PRR16: variants seen among roughly 807,000 people sequenced by gnomAD.
PRR16 encodes the protein proline rich 16, also known as protein Largen.
A neutral mutation model predicts 18.2 loss-of-function variants in PRR16; 6 were observed. The ratio of observed to expected loss-of-function variants is 0.33; its 90% confidence interval spans 0.18 to 0.65. The LOEUF (loss-of-function observed/expected upper bound fraction) is 0.65. PRR16 is among the 30% of genes least tolerant of loss of function. PRR16 has a pLI of 0.74. For synonymous variants in PRR16, 151 were observed against 147.8 expected (o/e 1.02, Z -0.16); for missense variants, 412 against 376.6 (o/e 1.09, Z -0.78).
At chr5:120,676,518 ATATATG>A (rs992059164) in intron 1 of PRR16, among the ~76,000 whole-genome samples, 10 of 36,952 alleles carry the variant, frequency 2.7e-4, no homozygotes, top group Admixed American at 8.5e-4. Flanking sequence ...ATATATATAT[ATATATG>A]TGTGTGTGTG....
At chr5:120,619,232 C>T (rs1299442551) in intron 1 of PRR16, among the ~76,000 whole-genome samples, 1 of 152,078 alleles carries the variant, frequency 6.6e-6, no homozygotes, top group Admixed American at 6.6e-5. Flanking sequence ...ATCAGACAGA[C>T]ACATCTCTCA....
intron 1 of PRR16, among the ~76,000 whole-genome samples, chr5:120,570,222 G>T (rs1170237744): frequency 6.6e-6 from 1 of 152,062 alleles, no homozygotes; most frequent in African/African-American, 2.4e-5. Flanking sequence ...AGCTATCCCT[G>T]AACCAGTGAT....
the PRR16 span, among the ~76,000 whole-genome samples, chr5:120,718,839 G>A: frequency 1.3e-5 from 2 of 152,058 alleles, no homozygotes; most frequent in South Asian, 4.1e-4. Flanking sequence ...ATTTTACAGT[G>A]TAGTGTGGGG....
intron 1 of PRR16, among the ~76,000 whole-genome samples, chr5:120,543,535 G>C (rs10063663): frequency 0.2 from 30,029 of 152,096 alleles, 3,116 homozygotes; most frequent in Non-Finnish European, 0.21. Flanking sequence ...CCAGTATATA[G>C]TCCTTCAATT....
At chr5:120,626,802 C>A (rs1754879841) in intron 1 of PRR16, among the ~76,000 whole-genome samples, 3 of 152,020 alleles carry the variant, frequency 2.0e-5, no homozygotes, top group Admixed American at 6.6e-5. Context: ...GTTTTAACAT[C>A]TAGCATAAAA....
Position 120,558,312 on chromosome 5 carries a change from A to T in PRR16, c.159+93667A>T, listed in dbSNP as rs531628688. On this transcript the variant is annotated intron_variant, in intron 1 of 1. Coordinates refer to ENST00000407149, the MANE Select transcript of PRR16 (RefSeq NM_001300783.2). Reference sequence around the variant, plus strand: ...CTACTCTTCCCCAACTACCCTTTTCAGCCTCTGGTAACCATCCTTCTACAC... The same window carrying T: ...CTACTCTTCCCCAACTACCCTTTTCTGCCTCTGGTAACCATCCTTCTACAC... Among the ~76,000 whole-genome samples the T allele has an allele frequency of 4.6e-5, 7 of 151,914 alleles. No individual in the cohort carries two copies. In the East Asian group the frequency reaches 1.4e-3, roughly 29 times the overall value.
At chr5:120,618,192 A>G (rs1021630017) in intron 1 of PRR16, among the ~76,000 whole-genome samples, 5 of 152,072 alleles carry the variant, frequency 3.3e-5, no homozygotes, top group African/African-American at 9.7e-5. Context: ...AATATAAAAG[A>G]TGTCTGGATA....
intron 1 of PRR16, among the ~76,000 whole-genome samples, chr5:120,490,684 G>A (rs913958759): frequency 9.9e-5 from 15 of 152,180 alleles, no homozygotes; most frequent in South Asian, 2.1e-4. Flanking sequence ...GCTTTGTTCC[G>A]TTGCTGGTGA....
rs138719994 is a variant in PRR16 at position 120,626,349 on chromosome 5, G to A, written c.160-59605G>A. Reference sequence around the variant, plus strand: ...AAAAAAAGCCCCACAGAAACAGTATGTTAAGTAAAAGAAACCAGATATAAA... The same window carrying A: ...AAAAAAAGCCCCACAGAAACAGTATATTAAGTAAAAGAAACCAGATATAAA... On this transcript the variant is annotated intron_variant, in intron 1 of 1. Coordinates refer to ENST00000407149, the MANE Select transcript of PRR16 (RefSeq NM_001300783.2). 3.5e-4 allele frequency among the ~76,000 whole-genome samples: 53 copies of A among 152,232 alleles called. No homozygotes were observed. The East Asian group carries it at 0.01, about 29-fold the overall frequency.
chr5:120,535,545 A>G (rs1000805931), intron 1 of PRR16, among the ~76,000 whole-genome samples: 7 of 152,166 alleles, frequency 4.6e-5, no homozygotes, highest in African/African-American at 1.7e-4. Context: ...TATGCCTGCA[A>G]TCCCAGCACT....
the PRR16 span, among the ~76,000 whole-genome samples, chr5:120,699,164 T>G: frequency 1.3e-5 from 2 of 151,912 alleles, no homozygotes; most frequent in South Asian, 4.2e-4. Context: ...AGGGCCTGAA[T>G]TATCCCTGAG....
intron 1 of PRR16, among the ~76,000 whole-genome samples, chr5:120,638,229 A>C (rs142101143): frequency 1.4e-3 from 218 of 152,238 alleles, no homozygotes; most frequent in African/African-American, 4.9e-3. Flanking sequence ...GTGCTCAAAA[A>C]GTTTTAGATT....
chr5:120,759,193 G>GAATATTTCCCTGTTTCT, the PRR16 span, among the ~76,000 whole-genome samples: 2 of 151,964 alleles, frequency 1.3e-5, no homozygotes. Flanking sequence ...AGCCAGGATG[G>GAATATTTCCCTGTTTCT]TATTGATCTC....
chr5:120,523,046 A>G (rs1221479431), intron 1 of PRR16, among the ~76,000 whole-genome samples: 1 of 152,144 alleles, frequency 6.6e-6, no homozygotes, highest in Admixed American at 6.6e-5. Context: ...TTTTGACTTA[A>G]TTTGGAATCA....
chr5:120,617,734 T>C (rs1255852531), intron 1 of PRR16, among the ~76,000 whole-genome samples: 3 of 152,128 alleles, frequency 2.0e-5, no homozygotes, highest in African/African-American at 2.4e-5. Context: ...AAGACAATAG[T>C]CTTTTTTTAA....
intron 1 of PRR16, among the ~76,000 whole-genome samples, chr5:120,518,778 G>A (rs1240629138): frequency 6.6e-5 from 10 of 152,078 alleles, no homozygotes; most frequent in Non-Finnish European, 1.0e-4. Context: ...TCAAATGCAT[G>A]TATGGAATGC....
At chr5:120,559,500 G>A (rs1561545809) in intron 1 of PRR16, among the ~76,000 whole-genome samples, 2 of 151,696 alleles carry the variant, frequency 1.3e-5, no homozygotes. Context: ...TCTCTATTCT[G>A]TTTCTTTGCT....
intron 1 of PRR16, among the ~76,000 whole-genome samples, chr5:120,571,552 T>C (rs1713910471): frequency 6.6e-6 from 1 of 151,808 alleles, no homozygotes; most frequent in Non-Finnish European, 1.5e-5. Flanking sequence ...ATCAAAAGGG[T>C]GGTATATTTT....
chr5:120,583,557 A>G (rs962813165), intron 1 of PRR16, among the ~76,000 whole-genome samples: 1 of 152,150 alleles, frequency 6.6e-6, no homozygotes, highest in African/African-American at 2.4e-5. Flanking sequence ...AATTTTCTTT[A>G]TGGACCATGA....
Sources: gnomAD v4.1 joint callset for allele counts (sites outside exome capture counted in the v4.1 genomes callset) on GRCh38, gnomAD v4.1.1 for gene constraint, MANE v1.5 for transcripts, NCBI Gene and HGNC (gene_info 2026-07-23, HGNC 2026-07-21) for gene names.